Variants in SLC35F3 observed in about 807,000 individuals in gnomAD.
SLC35F3 encodes the protein putative thiamine transporter SLC35F3.
A neutral mutation model predicts 49.9 loss-of-function variants in SLC35F3; 25 were observed. The observed-to-expected ratio is 0.50, with a 90% CI of 0.37 to 0.70. The LOEUF (loss-of-function observed/expected upper bound fraction) is 0.70. SLC35F3 is among the 30% of genes least tolerant of loss of function. The pLI, the probability that SLC35F3 is intolerant of heterozygous loss-of-function variation, is 0.00. For synonymous variants in SLC35F3, 275 were observed against 265.4 expected (o/e 1.04, Z -0.35); for missense variants, 525 against 639.8 (o/e 0.82, Z 1.94).
At position 233,956,618 on chromosome 1, in the gene SLC35F3, G is replaced by C. The variant is rs181835576; in HGVS notation, c.283+50860G>C. Among the ~76,000 whole-genome samples, 197 of 152,362 alleles carry C rather than the reference G, an allele frequency of 1.3e-3. 1 individual carries two copies. The highest frequency in any genetic ancestry group is 4.6e-3 in the African/African-American group (191 of 41,592). ...AGTAATTGGAAAGAGAGGCAGAGCA[G>C]AGGGAAAGAGGGCAACAGGGGAGCA... is the stretch of plus-strand genomic sequence containing the variant. On this transcript the variant is annotated intron_variant, in intron 2 of 7. Transcript: ENST00000366618.
At chr1:234,051,522 G>A (rs1410005200) in intron 2 of SLC35F3, among the ~76,000 whole-genome samples, 1 of 152,212 alleles carries the variant, frequency 6.6e-6, no homozygotes, top group East Asian at 1.9e-4. Flanking sequence ...TTGCTTATCA[G>A]CATAAGGAGA....
In SLC35F3 at chr1:234,153,929, G is replaced by A. The variant is rs144554648; in HGVS notation, c.284-77488G>A. ...ATACAAAAAATTAGCCGGGCATGGC[G>A]GCAGGCGCCTGTAGTCCCAGGTACT... On this transcript the variant is annotated intron_variant, in intron 2 of 7. Transcript: ENST00000366618. Among the ~76,000 whole-genome samples the A allele has an allele frequency of 2.5e-4, 38 of 152,296 alleles. 2 individuals carry two copies. The East Asian group carries it at 6.8e-3, about 27-fold the overall frequency.
chr1:233,966,445 G>A (rs1395624418), intron 2 of SLC35F3, among the ~76,000 whole-genome samples: 1 of 151,994 alleles, frequency 6.6e-6, no homozygotes, highest in Non-Finnish European at 1.5e-5. Context: ...ATCTGGACAG[G>A]AACACCCCAG....
chr1:234,081,904 A>ATTT (rs781469880), intron 2 of SLC35F3, among the ~76,000 whole-genome samples: 1,824 of 39,194 alleles, frequency 0.047, 447 homozygotes, highest in East Asian at 0.23. Flanking sequence ...TGCCTGGCTA[A>ATTT]TTTTTTTTTT....
Position 234,037,611 on chromosome 1 carries a change from C to T in SLC35F3, c.283+131853C>T, listed in dbSNP as rs111710813. Among the ~76,000 whole-genome samples the T allele has an allele frequency of 1.4e-3, 214 of 152,230 alleles. 1 individual carries two copies. The highest frequency in any genetic ancestry group is 6.8e-3 in the Middle Eastern group (2 of 294). On this transcript the variant is annotated intron_variant, in intron 2 of 7. Coordinates refer to ENST00000366618, the MANE Select transcript of SLC35F3 (RefSeq NM_173508.4). ...CTAAATAAGTGGATGGATAATAGAA[C>T]GTCAGGTAGGTATGGAAGAAAAAAT...
chr1:234,054,947 C>A (rs192985042), intron 2 of SLC35F3, among the ~76,000 whole-genome samples: 1 of 152,306 alleles, frequency 6.6e-6, no homozygotes, highest in Admixed American at 6.5e-5. Flanking sequence ...CCAGCGGAGG[C>A]TGTAGAACAG....
chr1:234,246,975 C>T lies in SLC35F3; in HGVS notation c.608+15234C>T, dbSNP rs115643440. ...CACAGCACAGAGGAGGTGGCAGACACGGCAGGGTGTGATGGTCTCAAAATA... is the reference window on the plus strand; with the variant it reads ...CACAGCACAGAGGAGGTGGCAGACATGGCAGGGTGTGATGGTCTCAAAATA... On this transcript the variant is annotated intron_variant, in intron 3 of 7. Coordinates refer to ENST00000366618, the MANE Select transcript of SLC35F3 (RefSeq NM_173508.4). 8.0e-3 allele frequency among the ~76,000 whole-genome samples: 1,222 copies of T among 152,254 alleles called. 19 individuals are homozygous for T. Among genetic ancestry groups the T allele is most frequent in the African/African-American group, 0.028 (1,146 of 41,532 alleles).
intron 2 of SLC35F3, among the ~76,000 whole-genome samples, chr1:234,061,764 T>G (rs943101324): frequency 6.6e-6 from 1 of 152,222 alleles, no homozygotes; most frequent in African/African-American, 2.4e-5. Flanking sequence ...AATTTTTCTT[T>G]TAGTTGTTAT....
At chr1:234,271,624 T>C (rs1219743308) in intron 3 of SLC35F3, among the ~76,000 whole-genome samples, 1 of 152,230 alleles carries the variant, frequency 6.6e-6, no homozygotes, top group Non-Finnish European at 1.5e-5. Context: ...TGATGTTATT[T>C]AATAATAATA....
chr1:234,236,762 C>G (rs1256047110), intron 3 of SLC35F3, among the ~76,000 whole-genome samples: 1 of 151,728 alleles, frequency 6.6e-6, no homozygotes, highest in East Asian at 1.9e-4. Flanking sequence ...TGCTGCGACT[C>G]TGTAGAAAAT....
At chr1:233,907,936 G>C (rs1280614872) in intron 2 of SLC35F3, among the ~76,000 whole-genome samples, 1 of 152,176 alleles carries the variant, frequency 6.6e-6, no homozygotes, top group Non-Finnish European at 1.5e-5. Flanking sequence ...ATGTTGGCCA[G>C]GCTGGTCTTG....
At chr1:233,924,199 G>A (rs1427138763) in intron 2 of SLC35F3, among the ~76,000 whole-genome samples, 1 of 152,168 alleles carries the variant, frequency 6.6e-6, no homozygotes, top group Non-Finnish European at 1.5e-5. Context: ...CTGTTGATTG[G>A]AATAGTTTTA....
intron 2 of SLC35F3, among the ~76,000 whole-genome samples, chr1:234,059,189 A>C (rs1049792789): frequency 6.7e-6 from 1 of 148,398 alleles, no homozygotes; most frequent in Non-Finnish European, 1.5e-5. Flanking sequence ...TTCCACTGTA[A>C]TCTTAATTTC....
chr1:234,271,486 G>C (rs57212873), intron 3 of SLC35F3, among the ~76,000 whole-genome samples: 8,844 of 152,128 alleles, frequency 0.058, 299 homozygotes, highest in African/African-American at 0.091. Flanking sequence ...GAGTTTTTTC[G>C]TTTTGTGAAA....
intron 2 of SLC35F3, among the ~76,000 whole-genome samples, chr1:234,131,088 G>A (rs531235049): frequency 1.3e-5 from 2 of 152,160 alleles, no homozygotes; most frequent in South Asian, 2.1e-4. Context: ...GCTGATCTGC[G>A]ATGTTAGAAG....
At chr1:233,920,248 T>C (rs867823579) in intron 2 of SLC35F3, among the ~76,000 whole-genome samples, 46 of 152,228 alleles carry the variant, frequency 3.0e-4, no homozygotes, top group African/African-American at 1.1e-3. Context: ...AATGCTATAA[T>C]GTTAAAGAAC....
intron 2 of SLC35F3, among the ~76,000 whole-genome samples, chr1:234,009,130 C>T (rs1479842484): frequency 6.6e-6 from 1 of 152,066 alleles, no homozygotes; most frequent in African/African-American, 2.4e-5. Context: ...CTGCAATTTC[C>T]TATCTATCGA....
At chr1:234,318,691 T>G in intron 5 of SLC35F3, 60 bp from the exon 6 acceptor site, 1 of 1,469,434 alleles carries the variant, frequency 6.8e-7, no homozygotes, top group Non-Finnish European at 9.3e-7. Context: ...CTGCTTTGCT[T>G]ACATCATATT....
intron 2 of SLC35F3, among the ~76,000 whole-genome samples, chr1:234,152,495 G>A (rs1666091633): frequency 6.6e-6 from 1 of 152,062 alleles, no homozygotes; most frequent in South Asian, 2.1e-4. Context: ...TTCTGTTCCT[G>A]TGTTAGCTTG....
Sources: allele counts gnomAD v4.1 joint callset (sites outside exome capture counted in the v4.1 genomes callset), GRCh38; gene constraint gnomAD v4.1.1; transcripts MANE v1.5; gene names NCBI Gene and HGNC (gene_info 2026-07-23, HGNC 2026-07-21).